Variants in MTOR observed in about 807,000 individuals in gnomAD.
MTOR encodes mechanistic target of rapamycin kinase.
Under a neutral mutation model 319.8 loss-of-function variants are expected in MTOR, and 70 were observed. The ratio of observed to expected loss-of-function variants is 0.22; its 90% CI spans 0.18 to 0.27. The LOEUF is 0.27. Among genes scored for constraint, MTOR ranks in the 10% least tolerant of loss-of-function variants. The probability of loss-of-function intolerance (pLI) is 1.00; values close to 1 mark genes in which losing one functional copy is unlikely to be tolerated. For missense variants in MTOR, 1,890 were observed against 3,274.4 expected (o/e 0.58, Z 10.32); for synonymous variants, 1,183 against 1,211.4 (o/e 0.98, Z 0.49).
At chr1:11,206,593 T>C (rs1188476882) in intron 25 of MTOR, among the ~76,000 whole-genome samples, 1 of 152,256 alleles carries the variant, frequency 6.6e-6, no homozygotes, top group Non-Finnish European at 1.5e-5. Flanking sequence ...GTTGTTACTA[T>C]TACTTGATAA....
intron 47 of MTOR, among the ~76,000 whole-genome samples, chr1:11,122,916 G>A (rs1642619880): frequency 6.6e-6 from 1 of 152,232 alleles, no homozygotes; most frequent in South Asian, 2.1e-4. Flanking sequence ...CACTGATGGT[G>A]CAGTGAAAGC....
At chr1:11,170,507 G>A (rs1308922895) in intron 28 of MTOR, among the ~76,000 whole-genome samples, 2 of 151,782 alleles carry the variant, frequency 1.3e-5, no homozygotes, top group African/African-American at 4.9e-5. Context: ...CTTGAGCTCA[G>A]GAGTTTTAAA....
Position 11,115,815 on chromosome 1 carries a change from CACTGTACTGAGAT to C in MTOR, c.7017-360_7017-348del, listed in dbSNP as rs1642135282. 6.6e-6 allele frequency among the ~76,000 whole-genome samples: 1 copy of C among 152,164 alleles called. No individual in the cohort carries two copies. The highest frequency in any genetic ancestry group is 2.4e-5 in the African/African-American group (1 of 41,432). ...CTTATGTGTGAATCACAGGTTGTCC[CACTGTACTGAGAT>C]ACTGTGCTTTTCTGAGGTCTTTGGT... is the stretch of plus-strand genomic sequence containing the variant. On this transcript the variant is annotated intron_variant, in intron 50 of 57. Transcript: ENST00000361445. The surrounding 1 kb of genome is among the most constrained non-coding windows in gnomAD (Gnocchi z 4.5).
chr1:11,109,462 T>A lies in MTOR; in HGVS notation c.7448-92A>T, dbSNP rs1037495965. 1.5e-6 allele frequency: 2 copies of A among 1,303,106 alleles called. No homozygotes were observed. Among genetic ancestry groups the A allele is most frequent in the African/African-American group, 1.5e-5 (1 of 68,022 alleles). 80.7% of individuals were successfully genotyped at this position (1,303,106 alleles called of 1,614,324 possible). On this transcript the variant is annotated intron_variant, in intron 55 of 57. Coordinates refer to ENST00000361445, the MANE Select transcript of MTOR (RefSeq NM_004958.4). The surrounding 1 kb of genome is among the most constrained non-coding windows in gnomAD (Gnocchi z 4.0). ...TGTTTTTCTCAAATATTCACTTTTG[T>A]AAGTGTTAAGCAATCCTTCCTCTAT... is the stretch of plus-strand genomic sequence containing the variant.
In MTOR at chr1:11,199,435, A is replaced by G. The variant is rs139364635; in HGVS notation, c.4108-32T>C. On this transcript the variant is annotated intron_variant, in intron 27 of 57. Transcript: ENST00000361445. The surrounding 1 kb of genome is among the most constrained non-coding windows in gnomAD (Gnocchi z 4.5). ...AAGAGCAAAACCTCACAGCACAGGA[A>G]AATGGCAGATGGGGCACAAACAAGA... is the stretch of plus-strand genomic sequence containing the variant. The G allele has an allele frequency of 6.8e-5, 110 of 1,614,102 alleles. No homozygotes were observed. Among genetic ancestry groups the G allele is most frequent in the Non-Finnish European group, 9.0e-5 (106 of 1,179,982 alleles).
chr1:11,207,569 C>T (rs1646176284), intron 25 of MTOR, among the ~76,000 whole-genome samples: 1 of 148,336 alleles, frequency 6.7e-6, no homozygotes, highest in Non-Finnish European at 1.5e-5. Context: ...CCACTCTGCT[C>T]AGCTAATTTT....
In MTOR at chr1:11,199,739, C is replaced by T. The variant is rs1389927637; in HGVS notation, c.3945-36G>A. On this transcript the variant is annotated intron_variant, in intron 26 of 57. Transcript: ENST00000361445. The surrounding 1 kb of genome is among the most constrained non-coding windows in gnomAD (Gnocchi z 4.5). ...AGAAGGTGGAAAATGGAGAGACCTC[C>T]CGTGCCTCTGCCTGCTGCCTCAAAG... is the stretch of plus-strand genomic sequence containing the variant. 6.2e-7 allele frequency: 1 copy of T among 1,608,834 alleles called. No individual in the cohort carries two copies. The highest frequency in any genetic ancestry group is 8.5e-7 in the Non-Finnish European group (1 of 1,176,942).
Position 11,127,284 on chromosome 1 carries a change from A to G in MTOR, c.6217-140T>C. 2 of 1,219,848 alleles carry G rather than the reference A, an allele frequency of 1.6e-6. No homozygotes were observed. Among genetic ancestry groups the G allele is most frequent in the Non-Finnish European group, 1.1e-6 (1 of 883,778 alleles). 75.6% of individuals were successfully genotyped at this position (1,219,848 alleles called of 1,614,324 possible). On this transcript the variant is annotated intron_variant, in intron 44 of 57. Coordinates refer to ENST00000361445, the MANE Select transcript of MTOR (RefSeq NM_004958.4). This position sits in a 1 kb window ranked among gnomAD's most constrained non-coding sequence, Gnocchi z 5.5. ...CTGGCAGGGGGCTGGAGAAAGCAAG[A>G]GCATAGGTGCAGGCCTCCAACCCTG...
chr1:11,234,048 G>T, intron 14 of MTOR, 95 bp downstream of exon 14: 1 of 1,553,370 alleles, frequency 6.4e-7, no homozygotes, highest in Non-Finnish European at 8.9e-7. Context: ...CACCTACTTT[G>T]TTCAGTGTAC....
intron 28 of MTOR, among the ~76,000 whole-genome samples, chr1:11,177,695 C>T (rs1046407531): frequency 3.9e-5 from 6 of 152,058 alleles, no homozygotes; most frequent in African/African-American, 9.7e-5. Flanking sequence ...CTAGAGGACA[C>T]GCTAAATCTG....
Position 11,114,400 on chromosome 1 carries a change from C to A in MTOR, c.7218G>T (p.Val2406=), listed in dbSNP as rs1432901806. The change falls in exon 53 of 58, where the codon GTG becomes GTT. Residue 2406 remains valine (V), a synonymous_variant. Coordinates refer to ENST00000361445, the MANE Select transcript of MTOR (RefSeq NM_004958.4). ...YRITCHTVME[V]LREHKDSVMA... is the part of the protein sequence containing the mutation. ...TGACACTGTCCTTGTGCTCTCGCAG[C>A]ACCTCCATCACTGTGTGGCATGTGA... is the stretch of plus-strand genomic sequence containing the variant. The A allele has an allele frequency of 6.2e-7, 1 of 1,614,212 alleles. No individual in the cohort carries two copies. Among genetic ancestry groups the A allele is most frequent in the Non-Finnish European group, 8.5e-7 (1 of 1,180,040 alleles).
At chr1:11,188,348 A>C (rs1645389593) in intron 28 of MTOR, among the ~76,000 whole-genome samples, 1 of 152,214 alleles carries the variant, frequency 6.6e-6, no homozygotes, top group Non-Finnish European at 1.5e-5. Flanking sequence ...AAAAATTACA[A>C]TATTCATGTT....
chr1:11,109,570 A>G lies in MTOR; in HGVS notation c.7447+79T>C. The G allele has an allele frequency of 2.8e-6, 4 of 1,414,990 alleles. No homozygotes were observed. The highest frequency in any genetic ancestry group is 2.8e-5 in the African/African-American group (2 of 70,382). 87.7% of individuals were successfully genotyped at this position (1,414,990 alleles called of 1,614,324 possible). The stretch of plus-strand genomic sequence containing the variant: ...GCAGTTTTGTTGCTTCATCTTGTTG[A>G]CCCCTCTCAGGGTATAACACAGCTG... On this transcript the variant is annotated intron_variant, in intron 55 of 57. Transcript: ENST00000361445. The surrounding 1 kb of genome is among the most constrained non-coding windows in gnomAD (Gnocchi z 4.0).
Position 11,212,008 on chromosome 1 carries a change from G to GAA in MTOR, c.3561+303_3561+304insTT, listed in dbSNP as rs1646328034. Among the ~76,000 whole-genome samples the GAA allele has an allele frequency of 6.6e-6, 1 of 152,032 alleles. No homozygotes were observed. Among genetic ancestry groups the GAA allele is most frequent in the African/African-American group, 2.4e-5 (1 of 41,394 alleles). On this transcript the variant is annotated intron_variant, in intron 23 of 57. Coordinates refer to ENST00000361445, the MANE Select transcript of MTOR (RefSeq NM_004958.4). This position sits in a 1 kb window ranked among gnomAD's most constrained non-coding sequence, Gnocchi z 4.1. Reference sequence around the variant, plus strand: ...CTTCTCTGTCTACCCTAAATAAAGAGCACTTCTCCCCACTTCAACCCATCA... The same window carrying GAA: ...CTTCTCTGTCTACCCTAAATAAAGAGAACACTTCTCCCCACTTCAACCCATCA...
In MTOR at chr1:11,253,950, C is replaced by T. The variant is rs1650031550; in HGVS notation, c.729G>A (p.Lys243=). The T allele has an allele frequency of 6.2e-7, 1 of 1,614,036 alleles. No homozygotes were observed. The highest frequency in any genetic ancestry group is 8.5e-7 in the Non-Finnish European group (1 of 1,180,048). The change falls in exon 6 of 58, where the codon AAG becomes AAA. Residue 243 remains lysine (K), a synonymous_variant. Coordinates refer to ENST00000361445, the MANE Select transcript of MTOR (RefSeq NM_004958.4). Reference sequence around the variant, plus strand: ...CTTTGGCCAAGGTCTCATCAAATCCCTTCTCTGCTTCTTCAAATGTGTGCT... The same window carrying T: ...CTTTGGCCAAGGTCTCATCAAATCCTTTCTCTGCTTCTTCAAATGTGTGCT... ...WYRHTFEEAE[K]GFDETLAKEK...
intron 53 of MTOR, 146 bp downstream of exon 53, chr1:11,114,171 GT>G: frequency 5.6e-6 from 5 of 900,180 alleles, no homozygotes; most frequent in Non-Finnish European, 8.3e-6. Context: ...AATTTTTTCA[GT>G]TTTTGCAGAA....
intron 6 of MTOR, among the ~76,000 whole-genome samples, chr1:11,251,664 T>C (rs1649708270): frequency 6.6e-6 from 1 of 150,750 alleles, no homozygotes; most frequent in Non-Finnish European, 1.5e-5. Flanking sequence ...TCTTTTTTTT[T>C]TTTTTTTTTT....
chr1:11,132,841 C>T (rs1359765996), intron 38 of MTOR: 9 of 452,398 alleles, frequency 2.0e-5, no homozygotes, highest in Non-Finnish European at 3.2e-5. Flanking sequence ...CAATCCCCAA[C>T]ACCACATACA....
intron 18 of MTOR, 103 bp from the exon 19 acceptor site, chr1:11,229,021 C>T (rs1033922056): frequency 2.1e-6 from 3 of 1,396,528 alleles, no homozygotes; most frequent in Non-Finnish European, 3.0e-6. Flanking sequence ...CATTAGCATT[C>T]ATATCTTTCT....
Sources: gnomAD v4.1 joint callset for allele counts (sites outside exome capture counted in the v4.1 genomes callset) on GRCh38, gnomAD v4.1.1 for gene constraint, Gnocchi (gnomAD v3.1) non-coding constraint, MANE v1.5 for transcripts, NCBI Gene and HGNC (gene_info 2026-07-23, HGNC 2026-07-21) for gene names.